The following TLE3 variants were observed in gnomAD, a reference collection of about 807,000 sequenced individuals.
TLE3 encodes TLE family member 3, transcriptional corepressor, also known as transducin-like enhancer protein 3.
TLE3 carries 14 observed loss-of-function variants against 93.0 expected under a neutral mutation model. That is an observed-to-expected ratio of 0.15 (90% confidence interval 0.10 to 0.24). The LOEUF is 0.24. TLE3 is among the 10% of genes least tolerant of loss of function. The pLI is 1.00. For missense variants in TLE3, 693 were observed against 1,046.6 expected (o/e 0.66, Z 4.66); for synonymous variants, 451 against 425.0 (o/e 1.06, Z -0.75).
At chr15:70,070,133 C>T (rs758276319) in intron 6 of TLE3, among the ~76,000 whole-genome samples, 6 of 152,318 alleles carry the variant, frequency 3.9e-5, no homozygotes, top group African/African-American at 2.4e-5. Flanking sequence ...CCCAAAGAGG[C>T]GCTAGGAGCC....
In TLE3 at chr15:70,097,910, T is replaced by G; in HGVS notation, c.-1112A>C. 1 of 240,230 alleles carries G rather than the reference T, an allele frequency of 4.2e-6. No individual in the cohort carries two copies. The highest frequency in any genetic ancestry group is 8.0e-6 in the Non-Finnish European group (1 of 125,226). 14.9% of individuals were successfully genotyped at this position (240,230 alleles called of 1,614,324 possible). ...GAACTGCCGCGAGAGCAGTTCCAAA[T>G]AGGGACTGAAAAGTAACAAAATAAT... On this transcript the variant is annotated 5_prime_UTR_variant, in exon 1 of 20. Coordinates refer to ENST00000451782, the MANE Select transcript of TLE3 (RefSeq NM_001105192.3).
chr15:70,089,596 T>C (rs755988926), intron 4 of TLE3, among the ~76,000 whole-genome samples: 1 of 152,180 alleles, frequency 6.6e-6, no homozygotes. Flanking sequence ...ACCAAGATGT[T>C]TACTGAGCAC....
chr15:70,076,431 T>C (rs1171253252), intron 4 of TLE3, among the ~76,000 whole-genome samples: 2 of 152,162 alleles, frequency 1.3e-5, no homozygotes, highest in African/African-American at 4.8e-5. Flanking sequence ...CAGAATATAG[T>C]TTGCATCCTC....
chr15:70,072,232 A>G (rs1326476364), intron 6 of TLE3, among the ~76,000 whole-genome samples: 1 of 152,184 alleles, frequency 6.6e-6, no homozygotes, highest in African/African-American at 2.4e-5. Flanking sequence ...TACTTAAGGG[A>G]AATACAGCTA....
chr15:70,066,017 T>C lies in TLE3; in HGVS notation c.574A>G (p.Arg192Gly), dbSNP rs1371107212. ...DEKNHHELDHRERESSANNSV... is the reference protein window; with the variant it reads ...DEKNHHELDHGERESSANNSV... ...CTCTGCCCCAGCCCAGCCGCACCTC[T>C]GTGATCGAGTTCATGGTGGTTCTTC... is the stretch of plus-strand genomic sequence containing the variant. The change falls in exon 7 of 20, where the codon AGA (arginine) becomes GGA (glycine). Residue 192 changes from arginine to glycine, a missense_variant. Around this residue, in one of 4 missense-constraint regions of TLE3, gnomAD observed 405 missense variants for 468.9 expected, o/e 0.86. Coordinates refer to ENST00000451782, the MANE Select transcript of TLE3 (RefSeq NM_001105192.3). The C allele has an allele frequency of 7.3e-7, 1 of 1,377,708 alleles. No homozygotes were observed. The highest frequency in any genetic ancestry group is 3.6e-5 in the East Asian group (1 of 27,664). 85.3% of individuals were successfully genotyped at this position (1,377,708 alleles called of 1,614,324 possible).
At chr15:70,053,568 C>A (rs766276213) in intron 16 of TLE3, 194 bp from the exon 17 acceptor site, 13 of 552,860 alleles carry the variant, frequency 2.4e-5, no homozygotes, top group Non-Finnish European at 3.8e-5. Context: ...TCCAGTTCCA[C>A]GGAAGGGTTT....
intron 14 of TLE3, chr15:70,055,879 C>T (rs932923306): frequency 3.4e-6 from 1 of 296,688 alleles, no homozygotes; most frequent in Non-Finnish European, 6.5e-6. Flanking sequence ...AGTGAAGGGC[C>T]GGGGAGAGTG....
Position 70,055,290 on chromosome 15 carries a change from G to A in TLE3, c.1337C>T (p.Ser446Leu). The change falls in exon 15 of 20, where the codon TCA (serine) becomes TTA (leucine). Residue 446 changes from serine to leucine, a missense_variant. Ser to Leu is a moderately radical substitution (Grantham distance 145, BLOSUM62 -2). Coordinates refer to ENST00000451782, the MANE Select transcript of TLE3 (RefSeq NM_001105192.3). The stretch of plus-strand genomic sequence containing the variant: ...CTGCCCATCAGCACTCACATGGAAT[G>A]AGTACGCTCTGAAAAGGTGAGAAAC... ...ASIPGGKPAY[S>L]FHVSADGQMQ... 1.3e-6 allele frequency: 2 copies of A among 1,576,636 alleles called. No individual in the cohort carries two copies. The highest frequency in any genetic ancestry group is 1.7e-6 in the Non-Finnish European group (2 of 1,161,670).
At chr15:70,076,192 CAAAT>C in intron 4 of TLE3, 34 bp from the exon 5 acceptor site, 1 of 1,604,902 alleles carries the variant, frequency 6.2e-7, no homozygotes, top group Non-Finnish European at 8.5e-7. Context: ...GAAGCTCAGG[CAAAT>C]AAATCAAGTC....
At chr15:70,070,524 C>T (rs900686744) in intron 6 of TLE3, among the ~76,000 whole-genome samples, 8 of 152,208 alleles carry the variant, frequency 5.3e-5, no homozygotes, top group African/African-American at 1.9e-4. Context: ...ACAGCGAGAA[C>T]AGCTCCAGGC....
At chr15:70,086,995 C>T (rs1271904270) in intron 4 of TLE3, among the ~76,000 whole-genome samples, 2 of 152,192 alleles carry the variant, frequency 1.3e-5, no homozygotes, top group African/African-American at 2.4e-5. Flanking sequence ...TCTACAAACA[C>T]AACGTTTGCA....
Position 70,094,908 on chromosome 15 carries a change from G to A in TLE3, c.190-332C>T, listed in dbSNP as rs574776780. 50 of 265,640 alleles carry A rather than the reference G, an allele frequency of 1.9e-4. No homozygotes were observed. The South Asian group carries it at 3.5e-3, about 19-fold the overall frequency. The allele number at this position is 265,640 out of a possible 1,614,324, so 16.5% of individuals were successfully genotyped here. A position where few individuals can be genotyped will look rare whatever the true frequency, so the allele number is the denominator to read the frequency against. On this transcript the variant is annotated intron_variant, in intron 3 of 19. Coordinates refer to ENST00000451782, the MANE Select transcript of TLE3 (RefSeq NM_001105192.3). ...GTACACTGGGACCCTCTTGTCCTCT[G>A]AGAGTTATTTAGCACTGTGTCGAAG...
intron 12 of TLE3, chr15:70,057,899 C>T: frequency 1.4e-6 from 1 of 710,964 alleles, no homozygotes. Flanking sequence ...TGCTTAGAGC[C>T]TCACTGGACT....
At chr15:70,065,826 G>A (rs900582011) in intron 7 of TLE3, among the ~76,000 whole-genome samples, 188 bp downstream of exon 7, 2 of 152,228 alleles carry the variant, frequency 1.3e-5, no homozygotes, top group Non-Finnish European at 1.5e-5. Flanking sequence ...ACACCAAGGA[G>A]TAGGAAAAGG....
chr15:70,052,325 C>G (rs748697687), intron 18 of TLE3, 49 bp downstream of exon 18: 1 of 1,595,924 alleles, frequency 6.3e-7, no homozygotes, highest in African/African-American at 1.3e-5. Context: ...CCAGGCTGCC[C>G]TGGGTTCCCC....
At chr15:70,096,734 C>A (rs768249182) in intron 1 of TLE3, 41 bp downstream of exon 1, 7 of 1,610,550 alleles carry the variant, frequency 4.3e-6, no homozygotes, top group Non-Finnish European at 5.9e-6. Flanking sequence ...GTTTACCCTG[C>A]CATGATAGAT....
rs755315040 is a variant in TLE3 at position 70,066,175 on chromosome 15, C to A, written c.416G>T (p.Gly139Val). 1.9e-6 allele frequency: 3 copies of A among 1,543,870 alleles called. No homozygotes were observed. Among genetic ancestry groups the A allele is most frequent in the African/African-American group, 2.8e-5 (2 of 72,550 alleles). The stretch of plus-strand genomic sequence containing the variant: ...GTGGGGTGGCAACTGGACCGGGGGG[C>A]CGTGTGTGGCATGGGAGAGGTGCTG... ...QAQHLSHATH[G>V]PPVQLPPHPS... is the part of the protein sequence containing the mutation. The change falls in exon 7 of 20, where the codon GGC (glycine) becomes GTC (valine). Residue 139 changes from glycine to valine, a missense_variant. Transcript: ENST00000451782.
Position 70,092,034 on chromosome 15 carries a change from G to T in TLE3, c.234+2498C>A, listed in dbSNP as rs551003380. ...TTGTTCCAGGCAGATGTAATCACAC[G>T]AACAGTCAAGTCTAGAGGGCAGGAC... is the stretch of plus-strand genomic sequence containing the variant. On this transcript the variant is annotated intron_variant, in intron 4 of 19. Transcript: ENST00000451782. Among the ~76,000 whole-genome samples the T allele has an allele frequency of 4.8e-5, 6 of 126,046 alleles. No individual in the cohort carries two copies. The East Asian group carries it at 1.6e-3, about 33-fold the overall frequency. 82.7% of individuals were successfully genotyped at this position (126,046 alleles called of 152,430 possible). A position where few individuals can be genotyped will look rare whatever the true frequency, so the allele number is the denominator to read the frequency against.
rs776335049 is a variant in TLE3, at chr15:70,058,809, C to A, written c.772G>T (p.Ala258Ser). ...LVVDVSNEDP[A>S]TPRVSPAHSP... The stretch of plus-strand genomic sequence containing the variant: ...TGTGCCGGGCTGACCCGGGGCGTTG[C>A]GGGGTCCTGAAAACACAAGTGATGC... Residue 258 changes from alanine (A) to serine (S), a missense_variant, in exon 11 of 20, where the codon GCA becomes TCA. This residue lies in a region of TLE3 where 405 missense variants were observed against 468.9 expected (regional missense o/e 0.86). Transcript: ENST00000451782. The surrounding 1 kb of genome is among the most constrained non-coding windows in gnomAD (Gnocchi z 4.1). The A allele has an allele frequency of 1.9e-6, 3 of 1,578,294 alleles. No homozygotes were observed. Among genetic ancestry groups the A allele is most frequent in the Admixed American group, 1.8e-5 (1 of 54,308 alleles).
Sources: allele counts gnomAD v4.1 joint callset (sites outside exome capture counted in the v4.1 genomes callset), GRCh38; gene constraint gnomAD v4.1.1; regional missense constraint gnomAD v4.1.1; non-coding constraint Gnocchi (gnomAD v3.1); transcripts MANE v1.5; gene names NCBI Gene and HGNC (gene_info 2026-07-23, HGNC 2026-07-21).